The following WASF1 variants were observed in gnomAD, a reference collection of about 807,000 sequenced individuals.
WASF1 encodes WASP family member 1.
In WASF1, 7 loss-of-function variants were observed where a neutral mutation model predicts 50.5. That is an observed-to-expected ratio of 0.14 (90% CI 0.08 to 0.26). The LOEUF is 0.26. WASF1 is among the 10% of genes least tolerant of loss of function. The pLI is 1.00. For synonymous variants in WASF1, 205 were observed against 244.0 expected (o/e 0.84, Z 1.49); for missense variants, 470 against 694.7 (o/e 0.68, Z 3.64).
At chr6:110,155,494 G>A (rs1326469080) in intron 3 of WASF1, among the ~76,000 whole-genome samples, 1 of 136,564 alleles carries the variant, frequency 7.3e-6, no homozygotes, top group Non-Finnish European at 1.6e-5. Context: ...CTTGCCTCTA[G>A]AAGAGATTAC....
chr6:110,127,548 C>T lies in WASF1; in HGVS notation c.54G>A (p.Leu18=). ...CCAGTTCATTCTTAATGCCTCTAGG[C>T]AGTGCTGTGTGGCACAAGTGCCTAG... is the stretch of plus-strand genomic sequence containing the variant. ...IDPRHLCHTA[L]PRGIKNELEC... The change falls in exon 4 of 11, where the codon CTG becomes CTA. Residue 18 remains leucine (L), a synonymous_variant. Transcript: ENST00000392589. The T allele has an allele frequency of 6.3e-7, 1 of 1,599,894 alleles. No individual in the cohort carries two copies. Among genetic ancestry groups the T allele is most frequent in the Non-Finnish European group, 8.5e-7 (1 of 1,173,874 alleles).
intron 7 of WASF1, among the ~76,000 whole-genome samples, chr6:110,106,646 G>A: frequency 6.6e-6 from 1 of 152,218 alleles, no homozygotes; most frequent in Non-Finnish European, 1.5e-5. Flanking sequence ...TGTTTAGGAT[G>A]TGCTCTGTAG....
At position 110,102,112 on chromosome 6, in the gene WASF1, G is replaced by T; in HGVS notation, c.998C>A (p.Ser333Tyr). 1 of 1,495,042 alleles carries T rather than the reference G, an allele frequency of 6.7e-7. No individual in the cohort carries two copies. Among genetic ancestry groups the T allele is most frequent in the South Asian group, 1.4e-5 (1 of 70,572 alleles). 92.6% of individuals were successfully genotyped at this position (1,495,042 alleles called of 1,614,324 possible). A position where few individuals can be genotyped will look rare whatever the true frequency, so the allele number is the denominator to read the frequency against. ...TCTTAATGAGGAAGTTGACAAGGCA[G>T]ATGGAAGAGGTGGTGGAGGAGGTGG... ...TPPPPPPPLPSALSTSSLRAS... is the reference protein window; with the variant it reads ...TPPPPPPPLPYALSTSSLRAS... Residue 333 changes from serine to tyrosine, a missense_variant, in exon 10 of 11, where the codon TCT becomes TAT. By Grantham distance (144) the Ser-to-Tyr change is moderately radical. Around this residue, in one of 3 missense-constraint regions of WASF1, gnomAD observed 294 missense variants for 343.5 expected, o/e 0.86. Coordinates refer to ENST00000392589, the MANE Select transcript of WASF1 (RefSeq NM_003931.3).
intron 2 of WASF1, among the ~76,000 whole-genome samples, chr6:110,169,382 A>C (rs188909077): frequency 6.6e-6 from 1 of 152,286 alleles, no homozygotes; most frequent in East Asian, 1.9e-4. Context: ...CTCTATTTCT[A>C]GTAACAGCAC....
chr6:110,127,726 GAAC>G, intron 3 of WASF1, 97 bp from the exon 4 acceptor site: 1 of 1,148,386 alleles, frequency 8.7e-7, no homozygotes, highest in East Asian at 3.1e-5. Context: ...GTTGACCCTT[GAAC>G]AACATGGATT....
At chr6:110,141,037 T>C (rs1319672153) in intron 3 of WASF1, among the ~76,000 whole-genome samples, 1 of 152,042 alleles carries the variant, frequency 6.6e-6, no homozygotes, top group African/African-American at 2.4e-5. Flanking sequence ...ACTTATGAAT[T>C]TTTTTTTCTG....
chr6:110,155,234 GATATACCA>G (rs1776008216), intron 3 of WASF1, among the ~76,000 whole-genome samples: 1 of 151,874 alleles, frequency 6.6e-6, no homozygotes, highest in South Asian at 2.1e-4. Flanking sequence ...TTTTGGCCTC[GATATACCA>G]ATATACCATC....
intron 9 of WASF1, 37 bp from the exon 10 acceptor site, chr6:110,102,253 G>C (rs1773126531): frequency 7.4e-7 from 1 of 1,356,688 alleles, no homozygotes; most frequent in Admixed American, 2.8e-5. Context: ...GTTATTAAAA[G>C]AGAAAAGCCT....
At chr6:110,108,080 A>T (rs1320305442) in intron 6 of WASF1, among the ~76,000 whole-genome samples, 1 of 133,956 alleles carries the variant, frequency 7.5e-6, no homozygotes, top group Non-Finnish European at 1.5e-5. Flanking sequence ...GGAAAATGAC[A>T]TGAACCTGGG....
intron 3 of WASF1, among the ~76,000 whole-genome samples, chr6:110,144,610 G>A (rs951308609): frequency 2.0e-5 from 3 of 152,198 alleles, no homozygotes; most frequent in African/African-American, 7.2e-5. Flanking sequence ...TAACGTGTAA[G>A]TCTTTAATCC....
chr6:110,151,365 C>T (rs143701220), intron 3 of WASF1, among the ~76,000 whole-genome samples: 112 of 152,198 alleles, frequency 7.4e-4, no homozygotes, highest in African/African-American at 1.8e-3. Context: ...TTTTAATTTC[C>T]AAAATCTTTG....
intron 2 of WASF1, among the ~76,000 whole-genome samples, chr6:110,166,466 C>T (rs1235299244): frequency 2.0e-5 from 3 of 151,756 alleles, no homozygotes; most frequent in Non-Finnish European, 4.4e-5. Context: ...AAAAAATGAC[C>T]AGGGACACCA....
At chr6:110,145,275 T>C (rs1358327136) in intron 3 of WASF1, among the ~76,000 whole-genome samples, 13 of 152,230 alleles carry the variant, frequency 8.5e-5, no homozygotes, top group Admixed American at 7.2e-4. Context: ...GTTATTGGTG[T>C]ATAAGAATGC....
At position 110,177,988 on chromosome 6, in the gene WASF1, T is replaced by C. The variant is rs145425044; in HGVS notation, c.-127+610A>G. On this transcript the variant is annotated intron_variant, in intron 2 of 10. Coordinates refer to ENST00000392589, the MANE Select transcript of WASF1 (RefSeq NM_003931.3). ...ATCCTTCAGGTAGATCACGCAAAAC[T>C]GAAGCCTACTCATACTTGTAGATTC... is the stretch of plus-strand genomic sequence containing the variant. 3.3e-5 allele frequency among the ~76,000 whole-genome samples: 5 copies of C among 150,276 alleles called. No homozygotes were observed. The East Asian group carries it at 9.7e-4, about 29-fold the overall frequency.
intron 3 of WASF1, among the ~76,000 whole-genome samples, chr6:110,131,237 C>G (rs1774654482): frequency 1.3e-5 from 2 of 152,080 alleles, no homozygotes; most frequent in East Asian, 3.9e-4. Flanking sequence ...TTTTCTACAC[C>G]AAGATCATAA....
At chr6:110,121,842 TA>T in intron 4 of WASF1, among the ~76,000 whole-genome samples, 1 of 152,288 alleles carries the variant, frequency 6.6e-6, no homozygotes, top group Non-Finnish European at 1.5e-5. Context: ...CACCATGGAA[TA>T]CTATGTAGCC....
At chr6:110,127,682 T>C in intron 3 of WASF1, 53 bp from the exon 4 acceptor site, 1 of 1,386,600 alleles carries the variant, frequency 7.2e-7, no homozygotes, top group Non-Finnish European at 9.4e-7. Context: ...CAACACAGAA[T>C]GAGACTTTAT....
chr6:110,166,411 A>G (rs1776479671), intron 2 of WASF1, among the ~76,000 whole-genome samples: 2 of 151,898 alleles, frequency 1.3e-5, no homozygotes, highest in Admixed American at 6.6e-5. Context: ...TATCCTGAAG[A>G]CAATGAGAAC....
At chr6:110,154,766 T>C (rs867713014) in intron 3 of WASF1, among the ~76,000 whole-genome samples, 2 of 152,082 alleles carry the variant, frequency 1.3e-5, no homozygotes, top group Middle Eastern at 3.2e-3. Context: ...ACGGAGTCAT[T>C]TGAAGATTTT....
Sources: allele counts gnomAD v4.1 joint callset (sites outside exome capture counted in the v4.1 genomes callset), GRCh38; gene constraint gnomAD v4.1.1; regional missense constraint gnomAD v4.1.1; transcripts MANE v1.5; gene names NCBI Gene and HGNC (gene_info 2026-07-23, HGNC 2026-07-21).